Variants in PTPRM observed in about 807,000 individuals in gnomAD.
PTPRM encodes protein tyrosine phosphatase receptor type M.
A neutral mutation model predicts 186.7 loss-of-function variants in PTPRM; 47 were observed. The observed-to-expected ratio is 0.25, with a 90% confidence interval of 0.20 to 0.32. The LOEUF (loss-of-function observed/expected upper bound fraction) is 0.32, where lower values mean the gene tolerates loss of function less well. PTPRM is among the 10% of genes least tolerant of loss of function. The pLI is 1.00. For synonymous variants in PTPRM, 668 were observed against 674.9 expected, an observed-to-expected ratio of 0.99 and a Z score of 0.16; for missense variants, 1,494 against 1,865.0, an observed-to-expected ratio of 0.80 and a Z score of 3.66.
chr18:8,393,706 T>C (rs1306971437), intron 31 of PTPRM, among the ~76,000 whole-genome samples: 1 of 152,244 alleles, frequency 6.6e-6, no homozygotes, highest in Non-Finnish European at 1.5e-5. Flanking sequence ...ACATCTAACA[T>C]GGGTTCATAG....
At chr18:7,804,099 A>G (rs1211830436) in intron 2 of PTPRM, among the ~76,000 whole-genome samples, 1 of 152,232 alleles carries the variant, frequency 6.6e-6, no homozygotes, top group Non-Finnish European at 1.5e-5. Flanking sequence ...TCCCTTAGGT[A>G]TAGCAGAGTC....
At chr18:8,345,323 C>A (rs950514439) in intron 23 of PTPRM, among the ~76,000 whole-genome samples, 7 of 152,246 alleles carry the variant, frequency 4.6e-5, no homozygotes, top group Admixed American at 2.6e-4. Flanking sequence ...AAATAAAAAG[C>A]TGGTTTTGTG....
chr18:7,727,531 C>G (rs895551579), intron 1 of PTPRM, among the ~76,000 whole-genome samples: 8 of 152,066 alleles, frequency 5.3e-5, no homozygotes, highest in Non-Finnish European at 1.2e-4. Flanking sequence ...TTAGTAAAAT[C>G]TTTTGAGAGA....
intron 1 of PTPRM, among the ~76,000 whole-genome samples, chr18:7,673,191 C>T (rs1263868775): frequency 6.6e-6 from 1 of 152,176 alleles, no homozygotes; most frequent in Non-Finnish European, 1.5e-5. Flanking sequence ...GTCTCCACTG[C>T]AGCATGAATG....
chr18:7,858,677 G>A (rs917113552), intron 2 of PTPRM, among the ~76,000 whole-genome samples: 11 of 152,164 alleles, frequency 7.2e-5, no homozygotes, highest in Non-Finnish European at 1.3e-4. Context: ...AATACTTAAC[G>A]CAGTGCGTGG....
intron 15 of PTPRM, among the ~76,000 whole-genome samples, chr18:8,247,472 A>G (rs2094488141): frequency 1.3e-5 from 2 of 152,236 alleles, no homozygotes; most frequent in African/African-American, 4.8e-5. Flanking sequence ...TCCAAAAGCC[A>G]TGTGTAGACA....
intron 29 of PTPRM, among the ~76,000 whole-genome samples, chr18:8,383,773 T>G (rs1198135152): frequency 6.6e-6 from 1 of 152,228 alleles, no homozygotes; most frequent in Non-Finnish European, 1.5e-5. Flanking sequence ...GTTCCAAACC[T>G]TGTCACAAAA....
Position 8,281,621 on chromosome 18 carries a change from G to A in PTPRM, c.2755-14747G>A, listed in dbSNP as rs570859933. Among the ~76,000 whole-genome samples, 183 of 152,210 alleles carry A rather than the reference G, an allele frequency of 1.2e-3. 2 individuals carry two copies. The highest frequency in any genetic ancestry group is 2.0e-3 in the Admixed American group (31 of 15,294). ...CCGCAACCCTGACCTTTCTCTAGTG[G>A]ATGCAGGAAAGTTTCAATAACCCTA... On this transcript the variant is annotated intron_variant, in intron 19 of 32. Transcript: ENST00000580170.
chr18:8,110,932 T>A (rs2091726309), intron 11 of PTPRM, among the ~76,000 whole-genome samples: 1 of 152,136 alleles, frequency 6.6e-6, no homozygotes, highest in African/African-American at 2.4e-5. Flanking sequence ...AAAATTCCCT[T>A]CAGGCCAGAT....
intron 2 of PTPRM, among the ~76,000 whole-genome samples, chr18:7,802,575 A>G (rs551690018): frequency 1.6e-4 from 24 of 152,266 alleles, no homozygotes; most frequent in Admixed American, 5.9e-4. Context: ...ATACTTTAAT[A>G]TGACAGCCCA....
intron 1 of PTPRM, among the ~76,000 whole-genome samples, chr18:7,688,475 C>T (rs915949973): frequency 5.3e-5 from 8 of 152,150 alleles, no homozygotes; most frequent in South Asian, 2.1e-4. Context: ...GTATTGTTGG[C>T]CAATTGTTGG....
intron 11 of PTPRM, among the ~76,000 whole-genome samples, chr18:8,092,840 A>C (rs550230382): frequency 6.6e-6 from 1 of 152,028 alleles, no homozygotes; most frequent in Non-Finnish European, 1.5e-5. Context: ...ACAAACAAAA[A>C]ACATAGCGGA....
At position 7,978,911 on chromosome 18, in the gene PTPRM, C is replaced by T. The variant is rs144840503; in HGVS notation, c.1132+23497C>T. Among the ~76,000 whole-genome samples the T allele has an allele frequency of 8.3e-3, 1,259 of 152,028 alleles. 7 individuals carry two copies. Among genetic ancestry groups the T allele is most frequent in the South Asian group, 0.033 (158 of 4,802 alleles). ...TTTCCACCCTCAGAATTGCGTGTAG[C>T]GACCTTTAAAAAACAGTGCTTCACC... is the stretch of plus-strand genomic sequence containing the variant. On this transcript the variant is annotated intron_variant, in intron 7 of 32. Transcript: ENST00000580170.
chr18:7,730,267 T>G (rs1429138065), intron 1 of PTPRM, among the ~76,000 whole-genome samples: 7 of 152,218 alleles, frequency 4.6e-5, no homozygotes, highest in Non-Finnish European at 1.0e-4. Flanking sequence ...TGTTACGTAC[T>G]GGATGCTTAT....
At chr18:8,210,255 G>A (rs2093985279) in intron 14 of PTPRM, among the ~76,000 whole-genome samples, 1 of 152,106 alleles carries the variant, frequency 6.6e-6, no homozygotes. Context: ...AGTTTGCCAT[G>A]AGCAGAGATT....
intron 23 of PTPRM, 130 bp from the exon 24 acceptor site, chr18:8,370,760 C>A (rs2095658557): frequency 3.7e-6 from 2 of 543,304 alleles, no homozygotes; most frequent in Non-Finnish European, 6.5e-6. Flanking sequence ...AAAAAATAGA[C>A]CTTCCTCTTG....
intron 1 of PTPRM, among the ~76,000 whole-genome samples, chr18:7,630,675 C>G (rs1293087079): frequency 1.3e-5 from 2 of 152,114 alleles, no homozygotes; most frequent in African/African-American, 4.8e-5. Flanking sequence ...AAAGTTTCAT[C>G]TTTGTTATTT....
chr18:8,215,536 CTTTCT>C (rs1186771783), intron 14 of PTPRM, among the ~76,000 whole-genome samples: 1 of 128,546 alleles, frequency 7.8e-6, no homozygotes, highest in East Asian at 2.2e-4. Context: ...TTCTTTCTTT[CTTTCT>C]TTTCTTTTTT....
intron 7 of PTPRM, among the ~76,000 whole-genome samples, chr18:8,013,074 C>A (rs1324453870): frequency 2.0e-5 from 3 of 152,028 alleles, no homozygotes; most frequent in African/African-American, 7.2e-5. Context: ...TTAAGTAAGT[C>A]CCCTATCTTG....
Sources: allele counts gnomAD v4.1 joint callset (sites outside exome capture counted in the v4.1 genomes callset), GRCh38; gene constraint gnomAD v4.1.1; transcripts MANE v1.5; gene names NCBI Gene and HGNC (gene_info 2026-07-23, HGNC 2026-07-21).